Variants in SKA2 observed in about 807,000 individuals in gnomAD.
SKA2 encodes spindle and kinetochore associated complex subunit 2, also known as spindle and kinetochore-associated protein 2.
Under a neutral mutation model 16.9 loss-of-function variants are expected in SKA2, and 13 were observed. The ratio of observed to expected loss-of-function variants is 0.77; its 90% CI spans 0.50 to 1.22. The LOEUF (loss-of-function observed/expected upper bound fraction) is 1.22. Among genes scored for constraint, SKA2 ranks in the 50% most tolerant of loss-of-function variants. The probability of loss-of-function intolerance (pLI) is 0.00; values close to 1 mark genes in which losing one functional copy is unlikely to be tolerated. For synonymous variants in SKA2, 47 were observed against 48.5 expected (o/e 0.97, Z 0.13); for missense variants, 107 against 139.7 (o/e 0.77, Z 1.18).
chr17:59,126,770 A>G (rs891070442), intron 2 of SKA2, among the ~76,000 whole-genome samples: 2 of 152,228 alleles, frequency 1.3e-5, no homozygotes, highest in African/African-American at 4.8e-5. Context: ...TCTGGGTATA[A>G]ACCCGAAAGT....
In SKA2 at chr17:59,141,748, G is replaced by T. The variant is rs916198282; in HGVS notation, c.34-10381C>A. Among the ~76,000 whole-genome samples, 23 of 150,084 alleles carry T rather than the reference G, an allele frequency of 1.5e-4. No individual in the cohort carries two copies. The Middle Eastern group carries it at 0.01, about 68-fold the overall frequency. On this transcript the variant is annotated intron_variant, in intron 1 of 3. Transcript: ENST00000330137. ...CAAAAAAAAAAAAAAAAAAAAGAGA[G>T]CCTAGGCATACTTCAAAATTATGGC...
Position 59,119,379 on chromosome 17 carries a change from A to C in SKA2, c.237T>G (p.Cys79Trp), listed in dbSNP as rs374605061. Residue 79 changes from cysteine (C) to tryptophan (W), a missense_variant, in exon 3 of 4, where the codon TGT becomes TGG. Transcript: ENST00000330137. ...VEQKESKSRI[C>W]ATVKKTMNMI... ...TATTCATAGTCTTTTTCACAGTAGC[A>C]CAAATGCGGCTCTTACTCTCTTTCT... 2 of 1,613,890 alleles carry C rather than the reference A, an allele frequency of 1.2e-6. No homozygotes were observed. The highest frequency in any genetic ancestry group is 1.7e-6 in the Non-Finnish European group (2 of 1,179,892).
At chr17:59,123,021 C>CA (rs1197154280) in intron 2 of SKA2, among the ~76,000 whole-genome samples, 3,595 of 48,544 alleles carry the variant, frequency 0.074, 70 homozygotes, top group African/African-American at 0.11. Context: ...AACCTTGTCT[C>CA]AAAAAAAAAA....
intron 1 of SKA2, chr17:59,151,221 TA>T: frequency 2.0e-6 from 1 of 506,044 alleles, no homozygotes. Context: ...TCGTTAGCAG[TA>T]ATAAGTAGGA....
At chr17:59,133,857 T>C (rs1242132521) in intron 1 of SKA2, among the ~76,000 whole-genome samples, 1 of 152,202 alleles carries the variant, frequency 6.6e-6, no homozygotes, top group Non-Finnish European at 1.5e-5. Flanking sequence ...GAGAAGGTTT[T>C]TGTTTTTAAA....
rs57098353 is a variant in SKA2 at position 59,147,377 on chromosome 17, GACACACAC to G, written c.33+7746_33+7753del. On this transcript the variant is annotated intron_variant, in intron 1 of 3. Transcript: ENST00000330137. ...ACTAAGAAAGAAATTTTATATATAA[GACACACAC>G]ACACACACACACACACACACACACA... 5.0e-4 allele frequency among the ~76,000 whole-genome samples: 69 copies of G among 138,216 alleles called. No homozygotes were observed. In the East Asian group the frequency reaches 0.01, roughly 21 times the overall value. 90.7% of individuals were successfully genotyped at this position (138,216 alleles called of 152,430 possible).
chr17:59,135,342 A>C (rs868210792), intron 1 of SKA2, among the ~76,000 whole-genome samples: 1 of 127,646 alleles, frequency 7.8e-6, no homozygotes, highest in Non-Finnish European at 1.6e-5. Context: ...TTTTAGAAGG[A>C]GTCTCACTCT....
chr17:59,131,409 T>A, intron 1 of SKA2, 42 bp from the exon 2 acceptor site: 1 of 1,301,804 alleles, frequency 7.7e-7, no homozygotes, highest in Non-Finnish European at 1.0e-6. Context: ...ACCAAAAGAC[T>A]AATAGTAAAC....
chr17:59,121,224 G>C (rs1170340029), intron 2 of SKA2, among the ~76,000 whole-genome samples: 2 of 151,040 alleles, frequency 1.3e-5, no homozygotes, highest in African/African-American at 4.9e-5. Flanking sequence ...ATCTCAAAAA[G>C]TTAACTTTCT....
chr17:59,133,150 A>C (rs1568306710), intron 1 of SKA2, among the ~76,000 whole-genome samples: 2 of 151,930 alleles, frequency 1.3e-5, no homozygotes, highest in Admixed American at 6.6e-5. Flanking sequence ...CTAATTTTTG[A>C]TTTTTTACAG....
At chr17:59,120,468 A>C (rs2046325258) in intron 2 of SKA2, among the ~76,000 whole-genome samples, 1 of 151,206 alleles carries the variant, frequency 6.6e-6, no homozygotes, top group Admixed American at 6.6e-5. Flanking sequence ...GGCTGGTCTT[A>C]AACTCCTGGC....
At chr17:59,145,546 A>AT (rs1270207785) in intron 1 of SKA2, among the ~76,000 whole-genome samples, 5 of 151,968 alleles carry the variant, frequency 3.3e-5, no homozygotes, top group African/African-American at 1.2e-4. Context: ...ATGTGCCCCC[A>AT]TAATATCTAG....
intron 1 of SKA2, among the ~76,000 whole-genome samples, chr17:59,154,266 G>A (rs2046602907): frequency 6.6e-6 from 1 of 152,084 alleles, no homozygotes; most frequent in Admixed American, 6.6e-5. Flanking sequence ...AAAAAAGCGC[G>A]GGCGATCAAG....
At chr17:59,115,705 C>T (rs1363213500) in intron 3 of SKA2, among the ~76,000 whole-genome samples, 1 of 152,084 alleles carries the variant, frequency 6.6e-6, no homozygotes, top group Non-Finnish European at 1.5e-5. Context: ...GCAATCGTCC[C>T]ACCTCAGCCT....
At chr17:59,131,131 C>G in intron 2 of SKA2, 150 bp downstream of exon 2, 1 of 546,314 alleles carries the variant, frequency 1.8e-6, no homozygotes, top group Non-Finnish European at 3.1e-6. Flanking sequence ...TGTGCTATAA[C>G]CAAACTTCCA....
chr17:59,121,705 T>C (rs1256055254), intron 2 of SKA2, among the ~76,000 whole-genome samples: 1 of 145,800 alleles, frequency 6.9e-6, no homozygotes, highest in Admixed American at 7.1e-5. Context: ...TCCCAGCACT[T>C]TGGGAGGCCG....
Position 59,119,342 on chromosome 17 carries a change from G to C in SKA2, c.274C>G (p.Leu92Val). 6.2e-7 allele frequency: 1 copy of C among 1,613,880 alleles called. No individual in the cohort carries two copies. Among genetic ancestry groups the C allele is most frequent in the South Asian group, 1.1e-5 (1 of 91,080 alleles). ...ACCTCCAGGTCTGTTTGCTTCTGTA[G>C]TTTTTGTATCATATTCATAGTCTTT... Reference protein sequence around the residue: ...VKKTMNMIQKLQKQTDLELSP... With the variant: ...VKKTMNMIQKVQKQTDLELSP... The change falls in exon 3 of 4, where the codon CTA (leucine) becomes GTA (valine). Residue 92 changes from leucine (L) to valine (V), a missense_variant. Transcript: ENST00000330137.
At chr17:59,139,686 T>C (rs1433715635) in intron 1 of SKA2, among the ~76,000 whole-genome samples, 1 of 152,110 alleles carries the variant, frequency 6.6e-6, no homozygotes, top group Non-Finnish European at 1.5e-5. Context: ...CTCTTCAATG[T>C]ACATTTAGAA....
At chr17:59,132,750 G>A (rs117219963) in intron 1 of SKA2, among the ~76,000 whole-genome samples, 2,071 of 152,218 alleles carry the variant, frequency 0.014, 24 homozygotes, top group Middle Eastern at 0.041. Context: ...TTAAGGGGGG[G>A]CTTTCACATT....
Sources: gnomAD v4.1 joint callset for allele counts (sites outside exome capture counted in the v4.1 genomes callset) on GRCh38, gnomAD v4.1.1 for gene constraint, MANE v1.5 for transcripts, NCBI Gene and HGNC (gene_info 2026-07-23, HGNC 2026-07-21) for gene names.